Variants in STIM1 observed in about 807,000 individuals in gnomAD.
STIM1 encodes stromal interaction molecule 1.
STIM1 carries 25 observed loss-of-function variants against 74.7 expected under a neutral mutation model. That is an observed-to-expected ratio of 0.33 (90% confidence interval 0.24 to 0.47). The LOEUF (loss-of-function observed/expected upper bound fraction) is 0.47. Ranked by LOEUF, STIM1 falls within the 20% of genes least tolerant of loss-of-function variation. The pLI is 1.00. For missense variants in STIM1, 728 were observed against 920.8 expected (o/e 0.79, Z 2.71); for synonymous variants, 328 against 348.8 (o/e 0.94, Z 0.66).
At chr11:4,061,738 C>T (rs2094332237) in intron 5 of STIM1, among the ~76,000 whole-genome samples, 1 of 152,070 alleles carries the variant, frequency 6.6e-6, no homozygotes, top group Non-Finnish European at 1.5e-5. Flanking sequence ...AATAAAACAA[C>T]CCAACTGTCT....
At chr11:4,082,509 A>G (rs2094470700) in intron 8 of STIM1, among the ~76,000 whole-genome samples, 158 bp downstream of exon 8, 1 of 152,138 alleles carries the variant, frequency 6.6e-6, no homozygotes, top group Non-Finnish European at 1.5e-5. Context: ...AGCTCCTGAC[A>G]GTGTCCTCAG....
chr11:3,912,849 A>G (rs1167184422), intron 1 of STIM1, among the ~76,000 whole-genome samples: 3 of 152,184 alleles, frequency 2.0e-5, no homozygotes, highest in Admixed American at 6.5e-5. Flanking sequence ...TGTCAGTTCT[A>G]TCTGGGGGGT....
At chr11:3,894,905 A>ATTTTTTT (rs35236633) in intron 1 of STIM1, among the ~76,000 whole-genome samples, 2 of 113,234 alleles carry the variant, frequency 1.8e-5, no homozygotes, top group Non-Finnish European at 3.4e-5. Flanking sequence ...CGCCTGGCTA[A>ATTTTTTT]TTTTTTTTTT....
intron 1 of STIM1, among the ~76,000 whole-genome samples, chr11:3,963,396 T>C (rs951558438): frequency 1.3e-5 from 2 of 152,226 alleles, no homozygotes; most frequent in African/African-American, 4.8e-5. Flanking sequence ...TCTCCATTCA[T>C]GTCCCTGCAA....
rs771059273 is a variant in STIM1 at position 3,863,219 on chromosome 11, CATGT to C, written c.139+6811_139+6814del. Among the ~76,000 whole-genome samples the C allele has an allele frequency of 9.8e-4, 102 of 103,970 alleles. 1 individual carries two copies. The highest frequency in any genetic ancestry group is 2.3e-3 in the African/African-American group (57 of 25,044). 68.2% of individuals were successfully genotyped at this position (103,970 alleles called of 152,430 possible). On this transcript the variant is annotated intron_variant, in intron 1 of 12. Transcript: ENST00000526596. ...ACACACGTATATATTTGAGACAATG[CATGT>C]GTGTGTGTGTGTGTGTGTGTGTGTG...
At chr11:3,958,830 C>T (rs117878481) in intron 1 of STIM1, among the ~76,000 whole-genome samples, 11,259 of 151,120 alleles carry the variant, frequency 0.075, 743 homozygotes, top group East Asian at 0.18. Context: ...ATTAGCCAGG[C>T]GTGGCAGTGG....
intron 7 of STIM1, among the ~76,000 whole-genome samples, chr11:4,077,825 C>G (rs1435035241): frequency 6.6e-6 from 1 of 152,190 alleles, no homozygotes; most frequent in East Asian, 1.9e-4. Context: ...TGGGTTCCTA[C>G]TCTCAGACAA....
At chr11:4,038,197 G>A (rs1315911235) in intron 3 of STIM1, among the ~76,000 whole-genome samples, 1 of 151,922 alleles carries the variant, frequency 6.6e-6, no homozygotes. Flanking sequence ...ACTACGCCCA[G>A]CTAATTTTTG....
chr11:3,945,645 C>T (rs1284693171), intron 1 of STIM1, among the ~76,000 whole-genome samples: 1 of 152,140 alleles, frequency 6.6e-6, no homozygotes, highest in Non-Finnish European at 1.5e-5. Flanking sequence ...TATTGCTTAA[C>T]TTCTTCCCTG....
chr11:4,071,551 C>T (rs1442862799), intron 6 of STIM1, among the ~76,000 whole-genome samples: 1 of 151,994 alleles, frequency 6.6e-6, no homozygotes, highest in Non-Finnish European at 1.5e-5. Context: ...GCTGTGTTGC[C>T]CAGGCTTTTC....
intron 5 of STIM1, among the ~76,000 whole-genome samples, chr11:4,065,563 A>T (rs2094360190): frequency 6.6e-6 from 1 of 151,776 alleles, no homozygotes; most frequent in Non-Finnish European, 1.5e-5. Context: ...ATCTGTCATC[A>T]GCACCCAGCT....
At chr11:4,065,199 A>G (rs2094357380) in intron 5 of STIM1, among the ~76,000 whole-genome samples, 1 of 152,226 alleles carries the variant, frequency 6.6e-6, no homozygotes. Flanking sequence ...GTTGCGGGTC[A>G]GGGGCAGTTG....
chr11:3,912,115 C>A (rs1405925813), intron 1 of STIM1, among the ~76,000 whole-genome samples: 2 of 150,844 alleles, frequency 1.3e-5, no homozygotes, highest in African/African-American at 2.4e-5. Context: ...CCTTTCCCTT[C>A]TCCCTAACCT....
At chr11:3,923,648 A>C (rs1008699999) in intron 1 of STIM1, among the ~76,000 whole-genome samples, 1 of 150,720 alleles carries the variant, frequency 6.6e-6, no homozygotes, top group Admixed American at 6.6e-5. Context: ...CTACTGTACC[A>C]TAAGTGTTAC....
At chr11:4,031,319 T>C (rs1242764854) in intron 3 of STIM1, among the ~76,000 whole-genome samples, 1 of 152,192 alleles carries the variant, frequency 6.6e-6, no homozygotes, top group African/African-American at 2.4e-5. Flanking sequence ...TGAGCTGCTT[T>C]TAGTTTTTGG....
intron 2 of STIM1, among the ~76,000 whole-genome samples, chr11:4,019,990 C>G (rs2093940977): frequency 1.3e-5 from 2 of 152,198 alleles, no homozygotes; most frequent in African/African-American, 2.4e-5. Context: ...ATCCTACGTT[C>G]TACTTCTATG....
At chr11:3,930,087 T>C (rs2092839432) in intron 1 of STIM1, among the ~76,000 whole-genome samples, 1 of 152,314 alleles carries the variant, frequency 6.6e-6, no homozygotes, top group South Asian at 2.1e-4. Context: ...GTGTCTGTGC[T>C]GCATCAGGTC....
At chr11:3,914,691 C>T (rs934202298) in intron 1 of STIM1, among the ~76,000 whole-genome samples, 2 of 152,178 alleles carry the variant, frequency 1.3e-5, no homozygotes, top group African/African-American at 2.4e-5. Context: ...CCGCCCGCCT[C>T]GGCCTCCCAA....
intron 3 of STIM1, among the ~76,000 whole-genome samples, chr11:4,025,219 G>T (rs1435381662): frequency 6.6e-6 from 1 of 152,186 alleles, no homozygotes; most frequent in Admixed American, 6.5e-5. Context: ...TAGGCTTATA[G>T]AATTTGAGAT....
Sources: gnomAD v4.1 joint callset for allele counts (sites outside exome capture counted in the v4.1 genomes callset) on GRCh38, gnomAD v4.1.1 for gene constraint, MANE v1.5 for transcripts, NCBI Gene and HGNC (gene_info 2026-07-23, HGNC 2026-07-21) for gene names.